DPYD: variants seen among roughly 807,000 people sequenced by gnomAD.
DPYD encodes the protein dihydropyrimidine dehydrogenase [NADP(+)].
In DPYD, 109 loss-of-function variants were observed where a neutral mutation model predicts 116.2. The ratio of observed to expected loss-of-function variants is 0.94; its 90% CI spans 0.80 to 1.10. The LOEUF (loss-of-function observed/expected upper bound fraction) is 1.10, where lower values mean the gene tolerates loss of function less well. DPYD is among the 50% of genes least tolerant of loss of function. The pLI is 0.00. For synonymous variants in DPYD, 440 were observed against 432.0 expected, an observed-to-expected ratio of 1.02 and a Z score of -0.23; for missense variants, 1,302 against 1,254.5, an observed-to-expected ratio of 1.04 and a Z score of -0.57.
At chr1:97,398,056 C>T (rs923066200) in intron 14 of DPYD, among the ~76,000 whole-genome samples, 1 of 151,938 alleles carries the variant, frequency 6.6e-6, no homozygotes, top group Non-Finnish European at 1.5e-5. Context: ...ATTAAATCAT[C>T]ATTTACATTA....
intron 10 of DPYD, among the ~76,000 whole-genome samples, chr1:97,584,862 A>G (rs575840061): frequency 3.3e-5 from 5 of 150,758 alleles, no homozygotes; most frequent in Admixed American, 6.6e-5. Context: ...TGACAAGTTA[A>G]TGGGTGCAGC....
At chr1:97,230,340 G>A (rs1350578409) in intron 19 of DPYD, among the ~76,000 whole-genome samples, 2 of 152,182 alleles carry the variant, frequency 1.3e-5, no homozygotes, top group Admixed American at 6.5e-5. Flanking sequence ...GCAGGGACCT[G>A]GAGGGAGCTG....
chr1:97,771,624 C>T (rs749440320), intron 3 of DPYD, among the ~76,000 whole-genome samples: 9 of 152,200 alleles, frequency 5.9e-5, no homozygotes, highest in Non-Finnish European at 1.2e-4. Flanking sequence ...TATTCCCTTA[C>T]ATCTGATTCA....
chr1:97,812,004 T>C (rs961115599), intron 3 of DPYD, among the ~76,000 whole-genome samples: 2 of 152,218 alleles, frequency 1.3e-5, no homozygotes, highest in Non-Finnish European at 1.5e-5. Flanking sequence ...GATAACTTCT[T>C]TCTTTCCTCA....
chr1:97,208,092 G>T (rs1659771221), intron 19 of DPYD, among the ~76,000 whole-genome samples: 1 of 152,058 alleles, frequency 6.6e-6, no homozygotes, highest in Non-Finnish European at 1.5e-5. Flanking sequence ...AGCCAGGAGT[G>T]TTTAATAGAT....
intron 5 of DPYD, among the ~76,000 whole-genome samples, chr1:97,707,913 G>A (rs953344997): frequency 1.2e-4 from 18 of 152,168 alleles, no homozygotes; most frequent in Middle Eastern, 3.4e-3. Context: ...TCTTTATGAA[G>A]TATGTCTTTT....
intron 14 of DPYD, among the ~76,000 whole-genome samples, chr1:97,440,793 C>CCCATT (rs1322941415): frequency 2.6e-4 from 39 of 152,180 alleles, no homozygotes; most frequent in African/African-American, 7.2e-4. Flanking sequence ...AGTTACAATT[C>CCCATT]TGGTGGTCTT....
chr1:97,551,381 T>C (rs777447255), intron 11 of DPYD, among the ~76,000 whole-genome samples: 1 of 152,138 alleles, frequency 6.6e-6, no homozygotes, highest in Non-Finnish European at 1.5e-5. Flanking sequence ...ATAGTGAGTA[T>C]GGCTCATCAA....
chr1:97,141,413 C>CT (rs1334585313), intron 20 of DPYD, among the ~76,000 whole-genome samples: 1 of 152,054 alleles, frequency 6.6e-6, no homozygotes, highest in African/African-American at 2.4e-5. Flanking sequence ...ATCCTTAAGG[C>CT]TTTTTTACTC....
intron 2 of DPYD, among the ~76,000 whole-genome samples, chr1:97,868,869 T>G (rs1284344789): frequency 6.6e-6 from 1 of 151,824 alleles, no homozygotes; most frequent in Non-Finnish European, 1.5e-5. Flanking sequence ...CTTAGGATTT[T>G]TTGGTTGTCT....
intron 4 of DPYD, among the ~76,000 whole-genome samples, chr1:97,736,715 A>G (rs1663964400): frequency 6.6e-6 from 1 of 152,124 alleles, no homozygotes; most frequent in Non-Finnish European, 1.5e-5. Flanking sequence ...GTCATCTGTA[A>G]TGAAAACTGG....
chr1:97,699,330 T>A, intron 6 of DPYD, 21 bp downstream of exon 6: 1 of 1,606,782 alleles, frequency 6.2e-7, no homozygotes, highest in Non-Finnish European at 8.5e-7. Flanking sequence ...ACTATAAACA[T>A]GAAATAAATG....
At chr1:97,838,509 A>G (rs1669881508) in intron 2 of DPYD, among the ~76,000 whole-genome samples, 1 of 152,228 alleles carries the variant, frequency 6.6e-6, no homozygotes, top group Non-Finnish European at 1.5e-5. Context: ...GTTCTTTCCA[A>G]TTGTGTGTTT....
intron 13 of DPYD, among the ~76,000 whole-genome samples, chr1:97,469,307 A>G (rs1677494850): frequency 6.7e-6 from 1 of 149,786 alleles, no homozygotes; most frequent in African/African-American, 2.4e-5. Flanking sequence ...TCTGATAACC[A>G]AAGGCTAAAG....
chr1:97,349,122 T>C (rs10875071), intron 16 of DPYD, among the ~76,000 whole-genome samples: 33,720 of 152,082 alleles, frequency 0.22, 3,846 homozygotes, highest in South Asian at 0.34. Flanking sequence ...TTTTCTATCC[T>C]GCAGTTTCCT....
At chr1:97,193,529 T>A (rs1658537298) in intron 19 of DPYD, among the ~76,000 whole-genome samples, 2 of 152,172 alleles carry the variant, frequency 1.3e-5, no homozygotes. Flanking sequence ...ATAGTTTAAA[T>A]AGCTACAGTT....
intron 20 of DPYD, among the ~76,000 whole-genome samples, chr1:97,170,242 G>A (rs1557908855): frequency 1.3e-5 from 2 of 152,184 alleles, no homozygotes; most frequent in South Asian, 2.1e-4. Context: ...CAGTTGTGAT[G>A]AGGACACTCT....
intron 19 of DPYD, among the ~76,000 whole-genome samples, chr1:97,203,013 T>C (rs1659318460): frequency 6.6e-6 from 1 of 152,176 alleles, no homozygotes; most frequent in South Asian, 2.1e-4. Flanking sequence ...TGGAGTCTTC[T>C]ACACACCAGG....
At chr1:97,133,929 G>A (rs1330184814) in intron 20 of DPYD, among the ~76,000 whole-genome samples, 2 of 148,380 alleles carry the variant, frequency 1.3e-5, no homozygotes, top group Non-Finnish European at 3.0e-5. Context: ...AACCCGGGAG[G>A]TGGAGGTTGC....
Sources: allele counts gnomAD v4.1 joint callset (sites outside exome capture counted in the v4.1 genomes callset), GRCh38; gene constraint gnomAD v4.1.1; transcripts MANE v1.5; gene names NCBI Gene and HGNC (gene_info 2026-07-23, HGNC 2026-07-21).